ROBO1: variants seen among roughly 807,000 people sequenced by gnomAD.
The protein encoded by ROBO1 is roundabout guidance receptor 1, also known as roundabout homolog 1.
ROBO1 carries 149 observed loss-of-function variants against 195.9 expected under a neutral mutation model. The observed-to-expected ratio is 0.76, with a 90% CI of 0.67 to 0.87. The LOEUF (loss-of-function observed/expected upper bound fraction) is 0.87. Ranked by LOEUF, ROBO1 falls within the 40% of genes least tolerant of loss-of-function variation. The pLI, the probability that ROBO1 is intolerant of heterozygous loss-of-function variation, is 0.00. For missense variants in ROBO1, 1,933 were observed against 2,068.3 expected (o/e 0.93, Z 1.27); for synonymous variants, 816 against 733.2 (o/e 1.11, Z -1.82).
intron 21 of ROBO1, among the ~76,000 whole-genome samples, chr3:78,645,059 G>A (rs1706192898): frequency 6.6e-6 from 1 of 152,052 alleles, no homozygotes; most frequent in Non-Finnish European, 1.5e-5. Context: ...TGAATCAAGT[G>A]GATTTATTCC....
At chr3:78,877,241 T>C (rs572615673) in intron 4 of ROBO1, among the ~76,000 whole-genome samples, 1 of 152,174 alleles carries the variant, frequency 6.6e-6, no homozygotes, top group African/African-American at 2.4e-5. Context: ...AAAAAGAACA[T>C]AGAAAAGAAA....
At chr3:79,444,671 C>A (rs2039177562) in intron 2 of ROBO1, among the ~76,000 whole-genome samples, 1 of 151,922 alleles carries the variant, frequency 6.6e-6, no homozygotes, top group South Asian at 2.1e-4. Context: ...ATTCAAGAAG[C>A]TTGGTCCAAA....
At chr3:79,464,286 T>A (rs1937826055) in intron 2 of ROBO1, among the ~76,000 whole-genome samples, 1 of 152,222 alleles carries the variant, frequency 6.6e-6, no homozygotes, top group Non-Finnish European at 1.5e-5. Context: ...AATATATAAC[T>A]AGGAGTGGAA....
chr3:79,358,838 C>T (rs929571443), intron 2 of ROBO1, among the ~76,000 whole-genome samples: 9 of 152,076 alleles, frequency 5.9e-5, no homozygotes, highest in African/African-American at 1.9e-4. Context: ...CACTTTCACA[C>T]ATTTTGCCAT....
chr3:79,425,145 A>AT (rs1035004425), intron 2 of ROBO1, among the ~76,000 whole-genome samples: 24 of 151,876 alleles, frequency 1.6e-4, no homozygotes, highest in Admixed American at 5.2e-4. Flanking sequence ...GCATATGACT[A>AT]TTTTTTTTCT....
chr3:78,669,310 T>C lies in ROBO1; in HGVS notation c.1549-745A>G, dbSNP rs546466602. ...TGCCCTGGCAATTGCAGGAACCAAG[T>C]CACAACAGTCACAAAGCAGCACAAC... On this transcript the variant is annotated intron_variant, in intron 11 of 30. Transcript: ENST00000464233. Among the ~76,000 whole-genome samples, 3 of 152,276 alleles carry C rather than the reference T, an allele frequency of 2.0e-5. No individual in the cohort carries two copies. The East Asian group carries it at 5.8e-4, about 29-fold the overall frequency.
chr3:79,348,760 G>A (rs779145496), intron 2 of ROBO1, among the ~76,000 whole-genome samples: 2 of 152,198 alleles, frequency 1.3e-5, no homozygotes, highest in Non-Finnish European at 2.9e-5. Context: ...AAAAAGACAC[G>A]AATACTTTCA....
chr3:79,117,128 G>T (rs1046734261), intron 3 of ROBO1, among the ~76,000 whole-genome samples: 2 of 151,894 alleles, frequency 1.3e-5, no homozygotes, highest in African/African-American at 4.8e-5. Flanking sequence ...GCATTTTGGG[G>T]GGCCAAGGTG....
intron 2 of ROBO1, among the ~76,000 whole-genome samples, chr3:79,458,517 A>G (rs1310049031): frequency 6.6e-6 from 1 of 152,110 alleles, no homozygotes; most frequent in Non-Finnish European, 1.5e-5. Flanking sequence ...CTTCACCCTG[A>G]CATTTTTTAT....
chr3:78,975,552 T>G (rs2107947149), intron 3 of ROBO1, among the ~76,000 whole-genome samples: 1 of 152,056 alleles, frequency 6.6e-6, no homozygotes, highest in Admixed American at 6.6e-5. Flanking sequence ...AGTTTCCTGG[T>G]TTTAAAAAAA....
chr3:78,605,508 G>A (rs1703414302), intron 29 of ROBO1, among the ~76,000 whole-genome samples: 1 of 152,144 alleles, frequency 6.6e-6, no homozygotes, highest in Non-Finnish European at 1.5e-5. Flanking sequence ...TTTCTTCCTG[G>A]ATAGCTGATT....
chr3:79,699,592 C>T (rs1388103772), intron 1 of ROBO1, among the ~76,000 whole-genome samples: 1 of 151,522 alleles, frequency 6.6e-6, no homozygotes, highest in Non-Finnish European at 1.5e-5. Flanking sequence ...ATCCTGAGTC[C>T]ATAGGTGAGG....
chr3:79,670,826 A>G (rs1359356866), intron 1 of ROBO1, among the ~76,000 whole-genome samples: 1 of 151,832 alleles, frequency 6.6e-6, no homozygotes, highest in Non-Finnish European at 1.5e-5. Flanking sequence ...GTCATTTAGG[A>G]CCCAAGTCCC....
chr3:79,103,014 G>A (rs1040450597), intron 3 of ROBO1, among the ~76,000 whole-genome samples: 6 of 151,762 alleles, frequency 4.0e-5, no homozygotes, highest in African/African-American at 9.6e-5. Flanking sequence ...CGAAGAGTTC[G>A]TCTAATATGA....
At chr3:78,636,465 C>T (rs1016079293) in intron 22 of ROBO1, among the ~76,000 whole-genome samples, 3 of 151,902 alleles carry the variant, frequency 2.0e-5, no homozygotes, top group Admixed American at 2.0e-4. Flanking sequence ...TTTTTATTTT[C>T]TAGTCTTTGG....
At chr3:79,752,276 TGAG>T (rs546183265) in intron 1 of ROBO1, among the ~76,000 whole-genome samples, 46 of 152,254 alleles carry the variant, frequency 3.0e-4, no homozygotes, top group African/African-American at 1.1e-3. Flanking sequence ...ATGACAGTCT[TGAG>T]AAGTTTCTGC....
intron 5 of ROBO1, among the ~76,000 whole-genome samples, chr3:78,731,040 T>G (rs1031869022): frequency 2.0e-5 from 3 of 151,986 alleles, no homozygotes; most frequent in Non-Finnish European, 4.4e-5. Flanking sequence ...AAAAATAAAC[T>G]CATCCTGACC....
intron 4 of ROBO1, among the ~76,000 whole-genome samples, chr3:78,803,932 C>T (rs1436147826): frequency 1.3e-5 from 2 of 152,158 alleles, no homozygotes; most frequent in Non-Finnish European, 2.9e-5. Context: ...CAAAGTGACA[C>T]TGTGTACTGT....
At position 78,627,316 on chromosome 3, in the gene ROBO1, C is replaced by A. The variant is rs776685704; in HGVS notation, c.3875+5G>T. 6.2e-7 allele frequency: 1 copy of A among 1,610,978 alleles called. No homozygotes were observed. Among genetic ancestry groups the A allele is most frequent in the Non-Finnish European group, 8.5e-7 (1 of 1,178,412 alleles). On this transcript the variant is annotated splice_donor_5th_base_variant and intron_variant, in intron 26 of 30. Coordinates refer to ENST00000464233, the MANE Select transcript of ROBO1 (RefSeq NM_002941.4). ...TGTTAGCAAAGAAGGCTAGTGACAA[C>A]ATACCTCCTGTCGGGCTGGTGCTGC...
Sources: gnomAD v4.1 joint callset for allele counts (sites outside exome capture counted in the v4.1 genomes callset) on GRCh38, gnomAD v4.1.1 for gene constraint, MANE v1.5 for transcripts, NCBI Gene and HGNC (gene_info 2026-07-23, HGNC 2026-07-21) for gene names.